Variants in SCRN3 observed in about 807,000 individuals in gnomAD.
The protein encoded by SCRN3 is secernin 3.
In SCRN3, 39 loss-of-function variants were observed where a neutral mutation model predicts 43.1. That is an observed-to-expected ratio of 0.91 (90% CI 0.70 to 1.18). The LOEUF is 1.18. Among genes scored for constraint, SCRN3 ranks in the 50% most tolerant of loss-of-function variants. The pLI, the probability that SCRN3 is intolerant of heterozygous loss-of-function variation, is 0.00. For missense variants in SCRN3, 484 were observed against 498.0 expected, an observed-to-expected ratio of 0.97 and a Z score of 0.27; for synonymous variants, 147 against 163.1, an observed-to-expected ratio of 0.90 and a Z score of 0.75.
Position 174,429,504 on chromosome 2 carries a change from G to A in SCRN3, c.*1609G>A, listed in dbSNP as rs545704211. On this transcript the variant is annotated 3_prime_UTR_variant, in exon 8 of 8. Transcript: ENST00000272732. ...GCAGTTTTAGGTTCACAGCAAAATT[G>A]AACAGAAAGTACAGAGTTCCAATAC... 3.6e-4 allele frequency: 55 copies of A among 152,108 alleles called. No individual in the cohort carries two copies. The highest frequency in any genetic ancestry group is 1.3e-3 in the African/African-American group (55 of 41,508). The allele number at this position is 152,108 out of a possible 1,614,324, so 9.4% of individuals were successfully genotyped here.
intron 5 of SCRN3, 98 bp from the exon 6 acceptor site, chr2:174,422,787 C>A: frequency 1.5e-6 from 1 of 678,472 alleles, no homozygotes; most frequent in African/African-American, 1.8e-5. Context: ...TATGTCAAGA[C>A]TAATATCTCA....
At chr2:174,412,452 A>T (rs780009542) in intron 5 of SCRN3, among the ~76,000 whole-genome samples, 16 of 152,036 alleles carry the variant, frequency 1.1e-4, no homozygotes, top group Non-Finnish European at 2.2e-4. Context: ...TGAGGGTAGC[A>T]GCTGCTGGGA....
chr2:174,400,735 T>C (rs1685480013), intron 3 of SCRN3, among the ~76,000 whole-genome samples: 1 of 152,230 alleles, frequency 6.6e-6, no homozygotes, highest in Non-Finnish European at 1.5e-5. Flanking sequence ...AAATGAGATA[T>C]CTGAGGTTCA....
rs1167367527 is a variant in SCRN3, at chr2:174,401,331, G to T, written c.541+142G>T. ...AACTGCAAGGGAAATTTAAAAATTT[G>T]AAAGAACAGTGAAAAAGTGCCATAA... On this transcript the variant is annotated intron_variant, in intron 4 of 7. Transcript: ENST00000272732. 5.1e-5 allele frequency: 33 copies of T among 650,670 alleles called. No homozygotes were observed. In the East Asian group the frequency reaches 8.9e-4, roughly 17 times the overall value. 40.3% of individuals were successfully genotyped at this position (650,670 alleles called of 1,614,324 possible). A position where few individuals can be genotyped will look rare whatever the true frequency, so the allele number is the denominator to read the frequency against.
At chr2:174,396,512 C>T (rs1685316841) in intron 1 of SCRN3, among the ~76,000 whole-genome samples, 1 of 152,102 alleles carries the variant, frequency 6.6e-6, no homozygotes, top group African/African-American at 2.4e-5. Context: ...AAGAATAAAC[C>T]TTGGCCGGGC....
At chr2:174,425,029 C>CCA (rs1395719182) in intron 7 of SCRN3, among the ~76,000 whole-genome samples, 3 of 151,968 alleles carry the variant, frequency 2.0e-5, no homozygotes, top group Non-Finnish European at 2.9e-5. Context: ...AGTATATATC[C>CCA]CACACCAAAA....
rs3951317 is a variant in SCRN3 at position 174,396,105 on chromosome 2, G to A, written c.-10+288G>A. On this transcript the variant is annotated intron_variant, in intron 1 of 7. Transcript: ENST00000272732. ...GATAATAATTCCGGCCCTAACCGTA[G>A]TATGCTTGCGAGAATCCAACAATAT... is the stretch of plus-strand genomic sequence containing the variant. 1.2e-5 allele frequency: 13 copies of A among 1,047,408 alleles called. No homozygotes were observed. The East Asian group carries it at 3.8e-4, about 31-fold the overall frequency. 64.9% of individuals were successfully genotyped at this position (1,047,408 alleles called of 1,614,324 possible).
chr2:174,414,765 C>CT (rs553055709), intron 5 of SCRN3, among the ~76,000 whole-genome samples: 85,302 of 131,112 alleles, frequency 0.65, 29,506 homozygotes, highest in Middle Eastern at 0.8. Flanking sequence ...TTTCTATTTT[C>CT]TTTTTTTTTT....
intron 5 of SCRN3, among the ~76,000 whole-genome samples, chr2:174,413,881 G>A (rs1365584594): frequency 4.6e-5 from 7 of 150,874 alleles, no homozygotes; most frequent in Non-Finnish European, 8.9e-5. Flanking sequence ...GTGAGCCACC[G>A]CACCCAGCCT....
intron 5 of SCRN3, among the ~76,000 whole-genome samples, chr2:174,407,693 A>G (rs1685745968): frequency 1.8e-5 from 2 of 110,902 alleles, no homozygotes; most frequent in South Asian, 6.3e-4. Flanking sequence ...GAACATCTTT[A>G]TTTCTGCCTT....
intron 5 of SCRN3, among the ~76,000 whole-genome samples, chr2:174,406,620 T>C (rs1278698547): frequency 1.3e-5 from 2 of 150,576 alleles, no homozygotes; most frequent in Admixed American, 6.6e-5. Flanking sequence ...CTTATCATTT[T>C]GAAATATGTC....
chr2:174,422,112 T>C (rs1003959497), intron 5 of SCRN3, among the ~76,000 whole-genome samples: 4 of 152,136 alleles, frequency 2.6e-5, no homozygotes, highest in African/African-American at 7.2e-5. Context: ...AACTATATTA[T>C]ATTTACTTAA....
chr2:174,395,799 C>A lies in SCRN3; in HGVS notation c.-28C>A. 6.5e-7 allele frequency: 1 copy of A among 1,548,894 alleles called. No individual in the cohort carries two copies. The highest frequency in any genetic ancestry group is 8.7e-7 in the Non-Finnish European group (1 of 1,145,490). ...TCCTCCCTCCGTCCACCTGTCACTT[C>A]GGGTAGCTGGGAGGCCAGGTGAGGG... On this transcript the variant is annotated 5_prime_UTR_variant, in exon 1 of 8. Transcript: ENST00000272732.
chr2:174,413,239 C>G (rs1001117208), intron 5 of SCRN3, among the ~76,000 whole-genome samples: 5 of 152,136 alleles, frequency 3.3e-5, no homozygotes, highest in Non-Finnish European at 5.9e-5. Flanking sequence ...ACATGGGAAT[C>G]TAGTCCACAA....
chr2:174,410,646 A>G (rs1685885246), intron 5 of SCRN3: 1 of 152,156 alleles, frequency 6.6e-6, no homozygotes, highest in Non-Finnish European at 1.5e-5. Flanking sequence ...ATTCATTGCA[A>G]CCTGGAGACA....
At position 174,406,254 on chromosome 2, in the gene SCRN3, CTGTT is replaced by C. The variant is rs1456804672; in HGVS notation, c.754+1943_754+1946del. Among the ~76,000 whole-genome samples the C allele has an allele frequency of 2.9e-5, 4 of 139,638 alleles. No individual in the cohort carries two copies. In the East Asian group the frequency reaches 8.2e-4, roughly 29 times the overall value. 91.6% of individuals were successfully genotyped at this position (139,638 alleles called of 152,430 possible). Reference sequence around the variant, plus strand: ...GGGAGTTCACTCATGATTTGGCTCTCTGTTTGTCTGTTATTGGTGTATAGGAATG... The same window carrying C: ...GGGAGTTCACTCATGATTTGGCTCTCTGTCTGTTATTGGTGTATAGGAATG... On this transcript the variant is annotated intron_variant, in intron 5 of 7. Coordinates refer to ENST00000272732, the MANE Select transcript of SCRN3 (RefSeq NM_024583.5).
chr2:174,423,278 C>T (rs370868589), intron 6 of SCRN3, among the ~76,000 whole-genome samples: 9 of 152,074 alleles, frequency 5.9e-5, no homozygotes, highest in East Asian at 5.8e-4. Context: ...ACTCCTTCTT[C>T]GTACAAATAG....
Position 174,395,819 on chromosome 2 carries a change from T to G in SCRN3, c.-10+2T>G, listed in dbSNP as rs1685283436. On this transcript the variant is annotated splice_donor_variant, in intron 1 of 7. Transcript: ENST00000272732. LOFTEE classifies it low-confidence loss of function (5UTR_SPLICE). ...CACTTCGGGTAGCTGGGAGGCCAGG[T>G]GAGGGGCGCGCACGGGGGAGGGGCG... is the stretch of plus-strand genomic sequence containing the variant. 1 of 1,527,298 alleles carries G rather than the reference T, an allele frequency of 6.5e-7. No homozygotes were observed. The allele number at this position is 1,527,298 out of a possible 1,614,324, so 94.6% of individuals were successfully genotyped here.
chr2:174,423,835 G>T (rs1428080429), intron 6 of SCRN3, among the ~76,000 whole-genome samples: 1 of 133,098 alleles, frequency 7.5e-6, no homozygotes, highest in Non-Finnish European at 1.5e-5. Context: ...ACCCAGGCTA[G>T]AATGGAGTGC....
Sources: gnomAD v4.1 joint callset for allele counts (sites outside exome capture counted in the v4.1 genomes callset) on GRCh38, gnomAD v4.1.1 for gene constraint, MANE v1.5 for transcripts, NCBI Gene and HGNC (gene_info 2026-07-23, HGNC 2026-07-21) for gene names.